Variants in OVCH2 observed in about 807,000 individuals in gnomAD.
OVCH2 encodes ovochymase 2.
In OVCH2, 88 loss-of-function variants were observed where a neutral mutation model predicts 73.7. The ratio of observed to expected loss-of-function variants is 1.19; its 90% CI spans 1.01 to 1.43. The LOEUF (loss-of-function observed/expected upper bound fraction) is 1.43, where lower values mean the gene tolerates loss of function less well. OVCH2 is among the 40% of genes most tolerant of loss of function. OVCH2 has a pLI of 0.00. For synonymous variants in OVCH2, 265 were observed against 234.5 expected (o/e 1.13, Z -1.19); for missense variants, 706 against 674.5 (o/e 1.05, Z -0.52).
chr11:7,701,994 A>C (rs1466186759), intron 4 of OVCH2, among the ~76,000 whole-genome samples, 163 bp downstream of exon 4: 2 of 152,178 alleles, frequency 1.3e-5, no homozygotes, highest in Non-Finnish European at 2.9e-5. Context: ...ATGTAATGCT[A>C]TCTCCAGAAC....
chr11:7,687,861 T>C (rs1231721756), downstream of OVCH2, among the ~76,000 whole-genome samples: 2 of 152,138 alleles, frequency 1.3e-5, no homozygotes, highest in Non-Finnish European at 2.9e-5. Flanking sequence ...GGTTTGCAGA[T>C]GTCTGTCTTC....
chr11:7,690,250 G>A (rs1856196174), intron 14 of OVCH2, among the ~76,000 whole-genome samples: 1 of 152,158 alleles, frequency 6.6e-6, no homozygotes, highest in Non-Finnish European at 1.5e-5. Flanking sequence ...TTGGCTTTGT[G>A]GGGTTTGGAA....
chr11:7,678,720 G>A, the OVCH2 span, among the ~76,000 whole-genome samples: 6 of 152,356 alleles, frequency 3.9e-5, no homozygotes, highest in East Asian at 9.6e-4. Flanking sequence ...TCACTTATAA[G>A]TGGGAGCTAA....
rs1300915440 is a variant in OVCH2 at position 7,695,774 on chromosome 11, TAAG to T, written c.1142-67_1142-65del. 29 of 1,541,162 alleles carry T rather than the reference TAAG, an allele frequency of 1.9e-5. No individual in the cohort carries two copies. The African/African-American group carries it at 3.0e-4, about 16-fold the overall frequency. ...AGAAAATAGTTCCCATTCAATGATT[TAAG>T]AAGAACTGAATTTGCCATGATATTT... On this transcript the variant is annotated intron_variant, in intron 10 of 15. Transcript: ENST00000533663.
intron 8 of OVCH2, chr11:7,697,113 T>C (rs1411144774): frequency 9.0e-6 from 3 of 334,546 alleles, no homozygotes; most frequent in East Asian, 1.2e-4. Flanking sequence ...CACAGCTTAC[T>C]GCAACCTCAA....
the OVCH2 span, among the ~76,000 whole-genome samples, chr11:7,679,546 C>G: frequency 6.6e-6 from 1 of 152,104 alleles, no homozygotes; most frequent in East Asian, 1.9e-4. Context: ...TTTGGAAGTT[C>G]CTCCCTCATT....
chr11:7,704,757 G>A, intron 1 of OVCH2, 83 bp from the exon 2 acceptor site: 1 of 882,354 alleles, frequency 1.1e-6, no homozygotes, highest in Non-Finnish European at 1.8e-6. Flanking sequence ...CCATGAAACT[G>A]AGTCTGAGAC....
rs752152913 is a variant in OVCH2 at position 7,701,824 on chromosome 11, G to A, written c.464-13C>T. The A allele has an allele frequency of 1.3e-6, 2 of 1,595,010 alleles. No homozygotes were observed. The highest frequency in any genetic ancestry group is 1.7e-6 in the Non-Finnish European group (2 of 1,168,558). ...CCCACAAAGTGGCCTGAAGAAAAGAGCAAGGTAGGGCTTGTCTCATTCATG... is the reference window on the plus strand; with the variant it reads ...CCCACAAAGTGGCCTGAAGAAAAGAACAAGGTAGGGCTTGTCTCATTCATG... On this transcript the variant is annotated splice_polypyrimidine_tract_variant and intron_variant, in intron 4 of 15. Coordinates refer to ENST00000533663, the MANE Select transcript of OVCH2 (RefSeq NM_198185.7).
intron 3 of OVCH2, 78 bp from the exon 4 acceptor site, chr11:7,702,407 C>A (rs1856461722): frequency 1.8e-6 from 2 of 1,113,444 alleles, no homozygotes; most frequent in South Asian, 3.4e-5. Flanking sequence ...ACACTAGCTT[C>A]TTTAAAATGA....
At chr11:7,678,902 A>G in the OVCH2 span, among the ~76,000 whole-genome samples, 1 of 152,238 alleles carries the variant, frequency 6.6e-6, no homozygotes, top group Non-Finnish European at 1.5e-5. Flanking sequence ...AGTAATATGC[A>G]TGGAACAAAC....
At chr11:7,695,445 C>T (rs1856311183) in intron 11 of OVCH2, 125 bp downstream of exon 11, 1 of 1,040,242 alleles carries the variant, frequency 9.6e-7, no homozygotes, top group South Asian at 1.7e-5. Context: ...TTGGCCTGTG[C>T]CCCTCTCCCA....
At chr11:7,679,378 G>A in the OVCH2 span, among the ~76,000 whole-genome samples, 9 of 152,124 alleles carry the variant, frequency 5.9e-5, no homozygotes, top group South Asian at 6.2e-4. Flanking sequence ...AGGGTGATAT[G>A]GTTTAGGTCT....
In OVCH2 at chr11:7,700,357, G is replaced by C; in HGVS notation, c.840C>G (p.Ser280=). 1 of 1,613,710 alleles carries C rather than the reference G, an allele frequency of 6.2e-7. No homozygotes were observed. The highest frequency in any genetic ancestry group is 1.1e-5 in the South Asian group (1 of 91,036). Residue 280 remains serine, a synonymous_variant, in exon 7 of 16, where the codon TCC becomes TCG. Transcript: ENST00000533663. ...RNNVRKSDQG[S]PGIFTDISKV... ...TACTAATGTCTGTGAAGATCCCAGG[G>C]GATCCTTGATCACTTTTCCTCACAT...
In OVCH2 at chr11:7,698,766, C is replaced by G; in HGVS notation, c.909G>C (p.Arg303=). The stretch of plus-strand genomic sequence containing the variant: ...GATACCCACCTCTGGAGCTCTTTCT[C>G]CGATTACCTGGGAAAGGAAAAGAAG... ...WIHEHIQTGN[R]RKSSRAWCSE... The change falls in exon 8 of 16, where the codon CGG becomes CGC. Residue 303 remains arginine, a synonymous_variant. Transcript: ENST00000533663. 6.2e-7 allele frequency: 1 copy of G among 1,612,738 alleles called. No individual in the cohort carries two copies. The highest frequency in any genetic ancestry group is 8.5e-7 in the Non-Finnish European group (1 of 1,179,536).
downstream of OVCH2, among the ~76,000 whole-genome samples, chr11:7,687,420 C>T (rs959618312): frequency 2.6e-5 from 4 of 152,024 alleles, no homozygotes; most frequent in African/African-American, 7.2e-5. Flanking sequence ...GCTAGTGTAT[C>T]GGAACTGCTT....
At chr11:7,684,671 A>G (rs11041533), downstream of OVCH2, among the ~76,000 whole-genome samples, 7,247 of 152,130 alleles carry the variant, frequency 0.048, 331 homozygotes, top group African/African-American at 0.11. Flanking sequence ...TATATAAGAT[A>G]TAGTTAATTC....
Position 7,706,459 on chromosome 11 carries a change from T to C in OVCH2, c.-65A>G. On this transcript the variant is annotated 5_prime_UTR_variant, in exon 1 of 16. Coordinates refer to ENST00000533663, the MANE Select transcript of OVCH2 (RefSeq NM_198185.7). ...TAAAGCAAACAAAAATAGGAAGCCT[T>C]GAGAGACCAGCAATAAGCCAATTTA... 6.6e-7 allele frequency: 1 copy of C among 1,511,330 alleles called. No individual in the cohort carries two copies. The highest frequency in any genetic ancestry group is 8.8e-7 in the Non-Finnish European group (1 of 1,134,190). 93.6% of individuals were successfully genotyped at this position (1,511,330 alleles called of 1,614,324 possible).
At position 7,705,855 on chromosome 11, in the gene OVCH2, T is replaced by C. The variant is rs902532993; in HGVS notation, c.88+452A>G. 5.3e-5 allele frequency among the ~76,000 whole-genome samples: 8 copies of C among 152,318 alleles called. No individual in the cohort carries two copies. The South Asian group carries it at 1.7e-3, about 32-fold the overall frequency. On this transcript the variant is annotated intron_variant, in intron 1 of 15. Transcript: ENST00000533663. ...CCAAGGAGAAATCTTCCAAGAACTG[T>C]TTTCAGCTTAAGTTAGTTGAAGGGG...
At chr11:7,688,692 G>A (rs1307745246), downstream of OVCH2, among the ~76,000 whole-genome samples, 1 of 152,002 alleles carries the variant, frequency 6.6e-6, no homozygotes, top group Non-Finnish European at 1.5e-5. Flanking sequence ...ATGGCAAAAT[G>A]GCAAACTATA....
Sources: gnomAD v4.1 joint callset for allele counts (sites outside exome capture counted in the v4.1 genomes callset) on GRCh38, gnomAD v4.1.1 for gene constraint, MANE v1.5 for transcripts, NCBI Gene and HGNC (gene_info 2026-07-23, HGNC 2026-07-21) for gene names.